ANKRD17: variants seen among roughly 807,000 people sequenced by gnomAD.
The protein encoded by ANKRD17 is ankyrin repeat domain-containing protein 17.
A neutral mutation model predicts 229.7 loss-of-function variants in ANKRD17; 19 were observed. That is an observed-to-expected ratio of 0.08 (90% CI 0.06 to 0.12). The LOEUF is 0.12. Ranked by LOEUF, ANKRD17 falls within the 10% of genes least tolerant of loss-of-function variation. The pLI is 1.00. For synonymous variants in ANKRD17, 1,112 were observed against 1,146.1 expected, an observed-to-expected ratio of 0.97 and a Z score of 0.60; for missense variants, 2,176 against 3,176.8, an observed-to-expected ratio of 0.68 and a Z score of 7.57.
In ANKRD17 at chr4:73,135,181, G is replaced by C. The variant is rs1399679106; in HGVS notation, c.3170C>G (p.Pro1057Arg). Residue 1057 changes from proline (P) to arginine (R), a missense_variant, in exon 16 of 34, where the codon CCA becomes CGA. Transcript: ENST00000358602. ...GGCTGAAGGAGAGATGATAGGACTT[G>C]GAGTTGGAGTCTGAGGTTGGGAAAT... ...ASISQPQTPT[P>R]SPIISPSAML... The C allele has an allele frequency of 6.2e-7, 1 of 1,613,730 alleles. No homozygotes were observed. Among genetic ancestry groups the C allele is most frequent in the Non-Finnish European group, 8.5e-7 (1 of 1,179,702 alleles).
chr4:73,249,692 A>G (rs577327516), intron 1 of ANKRD17, among the ~76,000 whole-genome samples: 1 of 152,292 alleles, frequency 6.6e-6, no homozygotes, highest in South Asian at 2.1e-4. Context: ...CGTCTCTACT[A>G]AAAATACAAA....
At position 73,087,096 on chromosome 4, in the gene ANKRD17, G is replaced by T. The variant is rs150406338; in HGVS notation, c.6962-1650C>A. Reference sequence around the variant, plus strand: ...GCCATGCTTTCCACAGCCAATACTGGAACAATTTATCATTTTTTCTTTTTT... The same window carrying T: ...GCCATGCTTTCCACAGCCAATACTGTAACAATTTATCATTTTTTCTTTTTT... On this transcript the variant is annotated intron_variant, in intron 29 of 33. Coordinates refer to ENST00000358602, the MANE Select transcript of ANKRD17 (RefSeq NM_032217.5). 4.4e-4 allele frequency among the ~76,000 whole-genome samples: 65 copies of T among 149,232 alleles called. 2 individuals are homozygous for T. In the East Asian group the frequency reaches 0.011, roughly 26 times the overall value.
chr4:73,163,841 T>C (rs1186218188), intron 2 of ANKRD17, among the ~76,000 whole-genome samples: 2 of 152,194 alleles, frequency 1.3e-5, no homozygotes, highest in African/African-American at 2.4e-5. Context: ...CTTTTAGATA[T>C]ATTTTTATGC....
chr4:73,168,489 G>A (rs553213864), intron 2 of ANKRD17, among the ~76,000 whole-genome samples: 1 of 152,152 alleles, frequency 6.6e-6, no homozygotes, highest in East Asian at 1.9e-4. Flanking sequence ...TTGTTCCTAT[G>A]GGGATAATAT....
intron 1 of ANKRD17, among the ~76,000 whole-genome samples, chr4:73,179,519 T>TATATATA (rs1491097354): frequency 3.1e-4 from 11 of 35,954 alleles, no homozygotes; most frequent in Admixed American, 1.2e-3. Context: ...TATATATATA[T>TATATATA]TTTTTTTTTT....
chr4:73,171,178 G>GGA (rs56882212), intron 2 of ANKRD17, among the ~76,000 whole-genome samples: 6,619 of 104,302 alleles, frequency 0.063, 344 homozygotes, highest in African/African-American at 0.083. Flanking sequence ...CTCAGAGGGG[G>GGA]GAGAGAGAGA....
chr4:73,151,246 A>G (rs1440494245), intron 7 of ANKRD17, among the ~76,000 whole-genome samples, 184 bp downstream of exon 7: 1 of 152,218 alleles, frequency 6.6e-6, no homozygotes, highest in Non-Finnish European at 1.5e-5. Flanking sequence ...TGAGACTAAG[A>G]AAATGCAGGT....
chr4:73,154,544 T>C (rs1051282453), intron 5 of ANKRD17, among the ~76,000 whole-genome samples: 6 of 152,126 alleles, frequency 3.9e-5, no homozygotes, highest in African/African-American at 1.2e-4. Context: ...ATACTATACC[T>C]TTTAATCATA....
At chr4:73,176,485 G>A (rs1734753207) in intron 2 of ANKRD17, among the ~76,000 whole-genome samples, 1 of 152,028 alleles carries the variant, frequency 6.6e-6, no homozygotes, top group Non-Finnish European at 1.5e-5. Context: ...GTATATTGAA[G>A]AGGTATCTGC....
At position 73,128,691 on chromosome 4, in the gene ANKRD17, G is replaced by A. The variant is rs189845173; in HGVS notation, c.3235-3379C>T. Among the ~76,000 whole-genome samples, 16 of 152,172 alleles carry A rather than the reference G, an allele frequency of 1.1e-4. No individual in the cohort carries two copies. In the East Asian group the frequency reaches 2.3e-3, roughly 22 times the overall value. ...AATTCAGGTTCAAACTAGGAGACAAGCATAATAATATATTATGAGATTTCA... is the reference window on the plus strand; with the variant it reads ...AATTCAGGTTCAAACTAGGAGACAAACATAATAATATATTATGAGATTTCA... On this transcript the variant is annotated intron_variant, in intron 16 of 33. Transcript: ENST00000358602.
At chr4:73,211,375 T>A (rs1740230514) in intron 1 of ANKRD17, among the ~76,000 whole-genome samples, 1 of 152,080 alleles carries the variant, frequency 6.6e-6, no homozygotes, top group African/African-American at 2.4e-5. Flanking sequence ...AAGATAAAGT[T>A]GAGTGGATAG....
At position 73,091,233 on chromosome 4, in the gene ANKRD17, T is replaced by G. The variant is rs1165007971; in HGVS notation, c.6395A>C (p.Glu2132Ala). ...PLQQSQVPPP[E>A]VRMTVPPLAT... is the part of the protein sequence containing the mutation. ...TAAAGGAGGAACAGTCATTCTAACT[T>G]CCGGGGGAGGAACCTGAGACTGCTG... Residue 2132 changes from glutamate to alanine, a missense_variant, in exon 29 of 34, where the codon GAA becomes GCA. Physicochemically the swap from Glu to Ala is moderately radical, Grantham distance 107. This residue lies in a region of ANKRD17 where 424 missense variants were observed against 454.0 expected (regional missense o/e 0.93). Coordinates refer to ENST00000358602, the MANE Select transcript of ANKRD17 (RefSeq NM_032217.5). 6.2e-7 allele frequency: 1 copy of G among 1,614,180 alleles called. No individual in the cohort carries two copies. Among genetic ancestry groups the G allele is most frequent in the Non-Finnish European group, 8.5e-7 (1 of 1,180,038 alleles).
intron 1 of ANKRD17, among the ~76,000 whole-genome samples, chr4:73,242,067 A>C (rs2149263217): frequency 6.6e-6 from 1 of 152,312 alleles, no homozygotes; most frequent in Middle Eastern, 3.4e-3. Context: ...ACTTCCATTA[A>C]AAATAAGAGA....
intron 1 of ANKRD17, chr4:73,222,960 A>G: frequency 1.3e-5 from 20 of 1,524,846 alleles, no homozygotes; most frequent in Non-Finnish European, 1.8e-5. Context: ...TTTCACTTAC[A>G]AACCTAGCCC....
chr4:73,230,964 G>A (rs1311896755), intron 1 of ANKRD17, among the ~76,000 whole-genome samples: 1 of 152,104 alleles, frequency 6.6e-6, no homozygotes, highest in African/African-American at 2.4e-5. Context: ...TGTCTGAATT[G>A]TACATTTTCA....
At chr4:73,141,043 GT>G (rs1729535923) in intron 14 of ANKRD17, among the ~76,000 whole-genome samples, 1 of 152,218 alleles carries the variant, frequency 6.6e-6, no homozygotes, top group Non-Finnish European at 1.5e-5. Context: ...TAGGTTGATA[GT>G]AGTGACTGAA....
At chr4:73,241,211 A>G (rs923089823) in intron 1 of ANKRD17, among the ~76,000 whole-genome samples, 17 of 152,206 alleles carry the variant, frequency 1.1e-4, no homozygotes, top group African/African-American at 3.9e-4. Context: ...AATAATGAGG[A>G]CAGACTATGA....
In ANKRD17 at chr4:73,177,370, G is replaced by A; in HGVS notation, c.547+10C>T. 2.5e-6 allele frequency: 4 copies of A among 1,582,624 alleles called. No homozygotes were observed. The highest frequency in any genetic ancestry group is 2.6e-6 in the Non-Finnish European group (3 of 1,161,358). ...AACAAGGTAGACTTATTACTATGTA[G>A]AGTACATACCTGCAGCTTCTAGTAA... On this transcript the variant is annotated intron_variant, in intron 2 of 33. Transcript: ENST00000358602.
At chr4:73,204,006 T>C (rs1739080749) in intron 1 of ANKRD17, among the ~76,000 whole-genome samples, 1 of 151,912 alleles carries the variant, frequency 6.6e-6, no homozygotes, top group Non-Finnish European at 1.5e-5. Flanking sequence ...ACTGCTGACT[T>C]CTTATTCAAA....
Sources: gnomAD v4.1 joint callset for allele counts (sites outside exome capture counted in the v4.1 genomes callset) on GRCh38, gnomAD v4.1.1 for gene constraint, gnomAD v4.1.1 regional missense constraint, MANE v1.5 for transcripts, NCBI Gene and HGNC (gene_info 2026-07-23, HGNC 2026-07-21) for gene names.